Variants in RWDD1 observed in about 807,000 individuals in gnomAD.
RWDD1 encodes RWD domain containing 1, also known as RWD domain-containing protein 1.
A neutral mutation model predicts 31.6 loss-of-function variants in RWDD1; 17 were observed. The observed-to-expected ratio is 0.54, with a 90% CI of 0.37 to 0.81. RWDD1 has a LOEUF of 0.81. RWDD1 is among the 30% of genes least tolerant of loss of function. RWDD1 has a pLI of 0.00. For synonymous variants in RWDD1, 78 were observed against 94.2 expected (o/e 0.83, Z 0.99); for missense variants, 204 against 274.5 (o/e 0.74, Z 1.82).
chr6:116,571,797 T>A, intron 1 of RWDD1, 142 bp downstream of exon 1: 2 of 589,828 alleles, frequency 3.4e-6, no homozygotes, highest in Non-Finnish European at 5.8e-6. Flanking sequence ...ACTCCTCAAG[T>A]TCTTCAGTCA....
chr6:116,574,614 T>C (rs1404651334), intron 1 of RWDD1, among the ~76,000 whole-genome samples: 2 of 152,148 alleles, frequency 1.3e-5, no homozygotes, highest in Non-Finnish European at 2.9e-5. Context: ...TCCCCTAACA[T>C]CTCTCCTGCC....
In RWDD1 at chr6:116,584,810, C is replaced by T. The variant is rs146150369; in HGVS notation, c.223C>T (p.Leu75=). ...PLYEIFSQEN[L]EDNDVSDILK... ...TTATGAAATATTCTCCCAGGAAAAT[C>T]TAGAAGATAATGATGTCTCAGACAT... The change falls in exon 3 of 7, where the codon CTA becomes TTA. Residue 75 remains leucine (L), a synonymous_variant. Coordinates refer to ENST00000466444, the MANE Select transcript of RWDD1 (RefSeq NM_015952.4). 1.3e-4 allele frequency: 212 copies of T among 1,597,562 alleles called. No homozygotes were observed. The highest frequency in any genetic ancestry group is 1.7e-4 in the Non-Finnish European group (195 of 1,165,260).
intron 2 of RWDD1, among the ~76,000 whole-genome samples, chr6:116,581,403 AAAAAT>A (rs752607154): frequency 3.0e-4 from 46 of 152,218 alleles, no homozygotes; most frequent in Non-Finnish European, 4.7e-4. Context: ...CGCTGAAATG[AAAAAT>A]AAAATATAAA....
At chr6:116,592,484 T>C (rs549677254) in intron 6 of RWDD1, among the ~76,000 whole-genome samples, 31 of 152,344 alleles carry the variant, frequency 2.0e-4, no homozygotes, top group African/African-American at 7.2e-4. Flanking sequence ...GCCTGGGTAT[T>C]GTTTCCTGTA....
chr6:116,579,855 T>C (rs1466719323), intron 1 of RWDD1, among the ~76,000 whole-genome samples: 1 of 152,214 alleles, frequency 6.6e-6, no homozygotes, highest in Non-Finnish European at 1.5e-5. Context: ...ATTTACTGTT[T>C]GTCATGGAGA....
chr6:116,577,813 ATAT>A (rs1774876677), intron 1 of RWDD1, among the ~76,000 whole-genome samples: 1 of 152,158 alleles, frequency 6.6e-6, no homozygotes, highest in African/African-American at 2.4e-5. Flanking sequence ...AATTCTGATC[ATAT>A]TATTGCTAAA....
At chr6:116,572,795 C>G in intron 1 of RWDD1, 2 of 978,262 alleles carry the variant, frequency 2.0e-6, no homozygotes, top group Non-Finnish European at 2.4e-6. Context: ...GCTTAGTTTT[C>G]TTGGCTTCAC....
At chr6:116,580,847 ATAAAT>A (rs915310193) in intron 2 of RWDD1, among the ~76,000 whole-genome samples, 45 of 152,246 alleles carry the variant, frequency 3.0e-4, no homozygotes, top group African/African-American at 9.4e-4. Context: ...ATAAAAACCA[ATAAAT>A]TAAAGTTAAA....
chr6:116,590,488 C>G (rs891817704), intron 5 of RWDD1, 84 bp downstream of exon 5: 1 of 1,451,734 alleles, frequency 6.9e-7, no homozygotes, highest in Admixed American at 2.7e-5. Flanking sequence ...GGTCAGATTT[C>G]TGTAAGAAAA....
intron 4 of RWDD1, among the ~76,000 whole-genome samples, chr6:116,589,742 G>A (rs535687429): frequency 6.6e-6 from 1 of 152,226 alleles, no homozygotes; most frequent in East Asian, 1.9e-4. Context: ...GAGGTGAAAG[G>A]CACTTCTTAC....
At chr6:116,581,339 T>G (rs1482175173) in intron 2 of RWDD1, among the ~76,000 whole-genome samples, 1 of 152,102 alleles carries the variant, frequency 6.6e-6, no homozygotes, top group East Asian at 1.9e-4. Flanking sequence ...GGTTCCAAAA[T>G]GGTGTGGTGA....
chr6:116,596,688 T>C lies in RWDD1; in HGVS notation c.*3587T>C, dbSNP rs1279323746. On this transcript the variant is annotated 3_prime_UTR_variant, in exon 7 of 7. Transcript: ENST00000466444. ...CAGTAAAAAAATACACAAATTTCTTTTGCAGTTATTGATTTGGAATGATCA... is the reference window on the plus strand; with the variant it reads ...CAGTAAAAAAATACACAAATTTCTTCTGCAGTTATTGATTTGGAATGATCA... 1 of 152,190 alleles carries C rather than the reference T, an allele frequency of 6.6e-6. No individual in the cohort carries two copies. The highest frequency in any genetic ancestry group is 1.5e-5 in the Non-Finnish European group (1 of 68,024). The allele number at this position is 152,190 out of a possible 1,614,324, so 9.4% of individuals were successfully genotyped here.
At chr6:116,574,596 A>G (rs1047881354) in intron 1 of RWDD1, among the ~76,000 whole-genome samples, 2 of 151,936 alleles carry the variant, frequency 1.3e-5, no homozygotes, top group African/African-American at 4.8e-5. Context: ...CACTTTCACC[A>G]CCATCTGTCC....
rs1775192203 is a variant in RWDD1 at position 116,593,768 on chromosome 6, AC to A, written c.*671del. On this transcript the variant is annotated 3_prime_UTR_variant, in exon 7 of 7. Transcript: ENST00000466444. The stretch of plus-strand genomic sequence containing the variant: ...AGACCATCCTGGCTAACACGGTGAA[AC>A]CCCGTCTCTATTAAAAATACAAAAA... 1 of 152,078 alleles carries A rather than the reference AC, an allele frequency of 6.6e-6. No individual in the cohort carries two copies. The highest frequency in any genetic ancestry group is 6.6e-5 in the Admixed American group (1 of 15,252). The allele number at this position is 152,078 out of a possible 1,614,324, so 9.4% of individuals were successfully genotyped here. A position where few individuals can be genotyped will look rare whatever the true frequency, so the allele number is the denominator to read the frequency against.
At chr6:116,591,460 A>C (rs1002582307) in intron 6 of RWDD1, among the ~76,000 whole-genome samples, 7 of 152,202 alleles carry the variant, frequency 4.6e-5, no homozygotes, top group African/African-American at 1.7e-4. Flanking sequence ...ACTGTCATGG[A>C]GCTTGTAAAA....
At chr6:116,586,108 G>C (rs1014826480) in intron 3 of RWDD1, among the ~76,000 whole-genome samples, 2 of 152,084 alleles carry the variant, frequency 1.3e-5, no homozygotes, top group African/African-American at 4.8e-5. Context: ...TTTCAAAAAG[G>C]CTGTTTTGAT....
intron 1 of RWDD1, among the ~76,000 whole-genome samples, chr6:116,577,041 ATAGG>A (rs1236734493): frequency 6.6e-6 from 1 of 152,204 alleles, no homozygotes; most frequent in Non-Finnish European, 1.5e-5. Context: ...TCAGATTCTA[ATAGG>A]TAGGGTGGCT....
At chr6:116,591,787 C>T (rs1168695658) in intron 6 of RWDD1, among the ~76,000 whole-genome samples, 2 of 152,216 alleles carry the variant, frequency 1.3e-5, no homozygotes, top group Admixed American at 1.3e-4. Flanking sequence ...TCTGTCTTGC[C>T]AGTTGGGAAT....
At chr6:116,574,666 T>TTCTCTCTC (rs753852054) in intron 1 of RWDD1, among the ~76,000 whole-genome samples, 1 of 103,358 alleles carries the variant, frequency 9.7e-6, no homozygotes, top group Non-Finnish European at 2.0e-5. Context: ...CTTTCTTTCT[T>TTCTCTCTC]TCTCTCTCTC....
Sources: allele counts gnomAD v4.1 joint callset (sites outside exome capture counted in the v4.1 genomes callset), GRCh38; gene constraint gnomAD v4.1.1; transcripts MANE v1.5; gene names NCBI Gene and HGNC (gene_info 2026-07-23, HGNC 2026-07-21).